The following TEF variants were observed in gnomAD, a reference collection of about 807,000 sequenced individuals.
TEF encodes the protein thyrotroph embryonic factor.
In TEF, 3 loss-of-function variants were observed where a neutral mutation model predicts 20.8. The observed-to-expected ratio is 0.14, with a 90% CI of 0.07 to 0.37. The LOEUF (loss-of-function observed/expected upper bound fraction) is 0.37, where lower values mean the gene tolerates loss of function less well. TEF is among the 10% of genes least tolerant of loss of function. The pLI is 1.00. For missense variants in TEF, 296 were observed against 397.9 expected, an observed-to-expected ratio of 0.74 and a Z score of 2.18; for synonymous variants, 180 against 171.1, an observed-to-expected ratio of 1.05 and a Z score of -0.41.
intron 1 of TEF, among the ~76,000 whole-genome samples, chr22:41,375,382 C>T (rs895102844): frequency 6.6e-5 from 10 of 152,166 alleles, no homozygotes; most frequent in Non-Finnish European, 1.2e-4. Flanking sequence ...GCAGACTTGC[C>T]AAAGGATGGC....
chr22:41,374,412 C>T (rs929576366), intron 1 of TEF, among the ~76,000 whole-genome samples: 2 of 151,908 alleles, frequency 1.3e-5, no homozygotes, highest in Admixed American at 6.6e-5. Context: ...ATTAGCCGGG[C>T]GTGGTGGCGG....
chr22:41,384,649 C>G (rs945251847), intron 1 of TEF, among the ~76,000 whole-genome samples: 10 of 152,200 alleles, frequency 6.6e-5, no homozygotes, highest in African/African-American at 2.4e-4. Flanking sequence ...CACCGTCTGC[C>G]TACCCCTTGT....
intron 3 of TEF, 128 bp downstream of exon 3, chr22:41,394,444 T>G (rs2037204025): frequency 1.1e-6 from 1 of 937,314 alleles, no homozygotes; most frequent in South Asian, 1.7e-5. Context: ...AGACATGAGT[T>G]TAGTGCTTAA....
Position 41,396,194 on chromosome 22 carries a change from G to A in TEF, c.*234G>A. Reference sequence around the variant, plus strand: ...GGAACGCAAGAGAATCTGCGTAGATGGGTGACTCAGCCTTAGTTTCTATTC... The same window carrying A: ...GGAACGCAAGAGAATCTGCGTAGATAGGTGACTCAGCCTTAGTTTCTATTC... On this transcript the variant is annotated 3_prime_UTR_variant, in exon 4 of 4. Transcript: ENST00000266304. The A allele has an allele frequency of 3.9e-6, 2 of 510,834 alleles. No individual in the cohort carries two copies. Among genetic ancestry groups the A allele is most frequent in the Non-Finnish European group, 7.1e-6 (2 of 282,912 alleles). The allele number at this position is 510,834 out of a possible 1,614,324, so 31.6% of individuals were successfully genotyped here. A position where few individuals can be genotyped will look rare whatever the true frequency, so the allele number is the denominator to read the frequency against.
At chr22:41,370,032 GGA>G in intron 1 of TEF, 1 of 985,390 alleles carries the variant, frequency 1.0e-6, no homozygotes, top group Non-Finnish European at 1.2e-6. Context: ...GAAAGTCTGC[GGA>G]GTGTGAGAAA....
chr22:41,382,942 CTT>C (rs2037053582), intron 1 of TEF: 1 of 470,966 alleles, frequency 2.1e-6, no homozygotes, highest in African/African-American at 2.0e-5. Context: ...TGAGCTTCAT[CTT>C]TTTGCCTAGG....
chr22:41,373,303 T>C (rs1273022775), intron 1 of TEF, among the ~76,000 whole-genome samples: 1 of 152,144 alleles, frequency 6.6e-6, no homozygotes, highest in Non-Finnish European at 1.5e-5. Flanking sequence ...AACCCTTGAA[T>C]ACCACAGGGA....
Position 41,396,655 on chromosome 22 carries a change from T to G in TEF, c.*695T>G. On this transcript the variant is annotated 3_prime_UTR_variant, in exon 4 of 4. Coordinates refer to ENST00000266304, the MANE Select transcript of TEF (RefSeq NM_003216.4). ...GGCCATCGGCTGTCTCTGCATTTCA[T>G]TGGCTGTGGAGGAGAGACTCCTAGG... 1 of 317,572 alleles carries G rather than the reference T, an allele frequency of 3.1e-6. No individual in the cohort carries two copies. The highest frequency in any genetic ancestry group is 5.7e-6 in the Non-Finnish European group (1 of 175,130). The allele number at this position is 317,572 out of a possible 1,614,324, so 19.7% of individuals were successfully genotyped here. A position where few individuals can be genotyped will look rare whatever the true frequency, so the allele number is the denominator to read the frequency against.
chr22:41,393,583 CAT>C (rs1381340878), intron 2 of TEF, among the ~76,000 whole-genome samples: 3 of 151,988 alleles, frequency 2.0e-5, no homozygotes, highest in Middle Eastern at 3.2e-3. Context: ...AGTAAAACCT[CAT>C]CTCTACTAAA....
rs1284566544 is a variant in TEF at position 41,398,817 on chromosome 22, A to G, written c.*2857A>G. 6.6e-6 allele frequency: 1 copy of G among 152,466 alleles called. No individual in the cohort carries two copies. Among genetic ancestry groups the G allele is most frequent in the Non-Finnish European group, 1.5e-5 (1 of 68,068 alleles). 9.4% of individuals were successfully genotyped at this position (152,466 alleles called of 1,614,324 possible). A position where few individuals can be genotyped will look rare whatever the true frequency, so the allele number is the denominator to read the frequency against. On this transcript the variant is annotated 3_prime_UTR_variant, in exon 4 of 4. Coordinates refer to ENST00000266304, the MANE Select transcript of TEF (RefSeq NM_003216.4). ...GGGAGGCATGCAAGCCAGTGGGGGA[A>G]AACCCCTCTGAAGCTGGGCAGCCCT...
intron 1 of TEF, among the ~76,000 whole-genome samples, chr22:41,374,470 T>TGGAGGCAGGA (rs2036916432): frequency 6.6e-6 from 1 of 151,010 alleles, no homozygotes; most frequent in Non-Finnish European, 1.5e-5. Flanking sequence ...GAGAATGGCG[T>TGGAGGCAGGA]GAACCCAGGA....
In TEF at chr22:41,392,491, T is replaced by C. The variant is rs546120165; in HGVS notation, c.476-1605T>C. Among the ~76,000 whole-genome samples the C allele has an allele frequency of 3.4e-5, 5 of 148,962 alleles. 1 individual carries two copies. In the South Asian group the frequency reaches 1.1e-3, roughly 32 times the overall value. On this transcript the variant is annotated intron_variant, in intron 2 of 3. Coordinates refer to ENST00000266304, the MANE Select transcript of TEF (RefSeq NM_003216.4). ...GAGATTGAGACCATCCTGGCCAACATAGTGAAACCCCGTCTCTACTAAAAA... is the reference window on the plus strand; with the variant it reads ...GAGATTGAGACCATCCTGGCCAACACAGTGAAACCCCGTCTCTACTAAAAA...
intron 1 of TEF, chr22:41,382,819 G>C: frequency 2.2e-6 from 1 of 458,182 alleles, no homozygotes; most frequent in Non-Finnish European, 4.5e-6. Flanking sequence ...GGCGCCTTGG[G>C]AGGGGAGTTT....
intron 1 of TEF, among the ~76,000 whole-genome samples, chr22:41,385,992 A>T (rs934687110): frequency 6.6e-6 from 1 of 151,850 alleles, no homozygotes; most frequent in Non-Finnish European, 1.5e-5. Context: ...GTACCTGGCT[A>T]ATTTTTGTAT....
chr22:41,393,809 A>G (rs1351155925), intron 2 of TEF, among the ~76,000 whole-genome samples: 2 of 151,776 alleles, frequency 1.3e-5, no homozygotes, highest in Non-Finnish European at 2.9e-5. Flanking sequence ...TGTTTTGCTT[A>G]ACATTTCTGG....
upstream of TEF, among the ~76,000 whole-genome samples, chr22:41,381,297 T>TC (rs1426148843): frequency 6.7e-6 from 1 of 149,338 alleles, no homozygotes; most frequent in African/African-American, 2.5e-5. Flanking sequence ...GACCCGTCCC[T>TC]CCCTTCCCCT....
At chr22:41,384,084 G>T (rs1743599437) in intron 1 of TEF, among the ~76,000 whole-genome samples, 1 of 152,240 alleles carries the variant, frequency 6.6e-6, no homozygotes, top group Non-Finnish European at 1.5e-5. Context: ...CTCACTGGGT[G>T]TGTTCATTTT....
rs1034341498 is a variant in TEF, at chr22:41,369,034, C to G, written c.67+1435C>G. ...AGGGTCCCCTCCTTGGTCCAGGAACCCAGGAAGGGTGGTACAGTCCCTCCT... is the reference window on the plus strand; with the variant it reads ...AGGGTCCCCTCCTTGGTCCAGGAACGCAGGAAGGGTGGTACAGTCCCTCCT... On this transcript the variant is annotated intron_variant, in intron 1 of 3. Transcript: ENST00000406644. The G allele has an allele frequency of 9.1e-6, 9 of 984,616 alleles. No individual in the cohort carries two copies. The Admixed American group carries it at 5.5e-4, about 61-fold the overall frequency. 61.0% of individuals were successfully genotyped at this position (984,616 alleles called of 1,614,324 possible). A position where few individuals can be genotyped will look rare whatever the true frequency, so the allele number is the denominator to read the frequency against.
At position 41,387,624 on chromosome 22, in the gene TEF, C is replaced by T. The variant is rs2037113971; in HGVS notation, c.431C>T (p.Ser144Phe). The change falls in exon 2 of 4, where the codon TCC becomes TTC. Residue 144 changes from serine to phenylalanine, a missense_variant. By Grantham distance (155) the Ser-to-Phe change is radical (BLOSUM62 -2). Around this residue, in one of 2 missense-constraint regions of TEF, gnomAD observed 194 missense variants for 317.8 expected, o/e 0.61. Transcript: ENST00000266304. ...TCTTCCACAGCATCCCCACCATCCT[C>T]CTCCACTGCCATCTTTCAGCCCTCT... Reference protein sequence around the residue: ...ASSSTASPPSSSTAIFQPSET... With the variant: ...ASSSTASPPSFSTAIFQPSET... The T allele has an allele frequency of 6.2e-7, 1 of 1,614,162 alleles. No homozygotes were observed. The highest frequency in any genetic ancestry group is 8.5e-7 in the Non-Finnish European group (1 of 1,180,018).
Sources: allele counts gnomAD v4.1 joint callset (sites outside exome capture counted in the v4.1 genomes callset), GRCh38; gene constraint gnomAD v4.1.1; regional missense constraint gnomAD v4.1.1; transcripts MANE v1.5; gene names NCBI Gene and HGNC (gene_info 2026-07-23, HGNC 2026-07-21).